The following MKX variants were observed in gnomAD, a reference collection of about 807,000 sequenced individuals.
The protein encoded by MKX is mohawk homeobox.
Under a neutral mutation model 36.0 loss-of-function variants are expected in MKX, and 13 were observed. The ratio of observed to expected loss-of-function variants is 0.36; its 90% CI spans 0.24 to 0.57. MKX has a LOEUF of 0.57. Among genes scored for constraint, MKX ranks in the 20% least tolerant of loss-of-function variants. The pLI, the probability that MKX is intolerant of heterozygous loss-of-function variation, is 0.79. For synonymous variants in MKX, 176 were observed against 178.3 expected, an observed-to-expected ratio of 0.99 and a Z score of 0.10; for missense variants, 458 against 456.4, an observed-to-expected ratio of 1.00 and a Z score of -0.03.
intron 5 of MKX, among the ~76,000 whole-genome samples, chr10:27,679,774 A>T (rs773322612): frequency 2.0e-5 from 3 of 152,192 alleles, no homozygotes; most frequent in Non-Finnish European, 4.4e-5. Flanking sequence ...GAAAATTTAC[A>T]ATCTTCTCAT....
Position 27,734,679 on chromosome 10 carries a change from C to A in MKX, c.615G>T (p.Glu205Asp), listed in dbSNP as rs1478135013. Residue 205 changes from glutamate (E) to aspartate (D), a missense_variant, in exon 5 of 7, where the codon GAG becomes GAT. Transcript: ENST00000419761. ...NSVIKAGVRP[E>D]SRASEDYVAP... ...CCACGTAGTCCTCACTGGCCCGTGA[C>A]TCTGGCCTCACTCCCGCTTTGATGA... 6.2e-7 allele frequency: 1 copy of A among 1,614,158 alleles called. No individual in the cohort carries two copies. Among genetic ancestry groups the A allele is most frequent in the Non-Finnish European group, 8.5e-7 (1 of 1,180,026 alleles).
chr10:27,711,428 TC>T (rs1253625545), intron 5 of MKX, among the ~76,000 whole-genome samples: 2,695 of 124,014 alleles, frequency 0.022, 33 homozygotes, highest in East Asian at 0.062. Flanking sequence ...TTCTTTCTTT[TC>T]TCTTTCTTTC....
At chr10:27,682,059 G>C (rs1836263753) in intron 5 of MKX, among the ~76,000 whole-genome samples, 1 of 152,188 alleles carries the variant, frequency 6.6e-6, no homozygotes, top group Non-Finnish European at 1.5e-5. Context: ...AGTGGGACAA[G>C]ACATGGAGGT....
chr10:27,734,857 T>C, intron 4 of MKX, 66 bp from the exon 5 acceptor site: 1 of 935,892 alleles, frequency 1.1e-6, no homozygotes, highest in Non-Finnish European at 1.5e-6. Flanking sequence ...CCAACTCTTA[T>C]ATTTAATCCT....
At chr10:27,690,504 T>C (rs543292625) in intron 5 of MKX, among the ~76,000 whole-genome samples, 5 of 152,354 alleles carry the variant, frequency 3.3e-5, no homozygotes, top group Non-Finnish European at 5.9e-5. Context: ...TGTGGGAACA[T>C]AGTGGACTCA....
chr10:27,709,527 G>T (rs1456759697), intron 5 of MKX, among the ~76,000 whole-genome samples: 1 of 152,158 alleles, frequency 6.6e-6, no homozygotes, highest in Non-Finnish European at 1.5e-5. Context: ...ACTGATTTCT[G>T]GTAGGACTGG....
intron 5 of MKX, among the ~76,000 whole-genome samples, chr10:27,697,820 A>AG (rs1836582277): frequency 6.6e-6 from 1 of 152,156 alleles, no homozygotes. Context: ...GTGGGAACAG[A>AG]GGGGGGTTGG....
At chr10:27,727,344 CCAGCACA>C (rs1834513642) in intron 5 of MKX, among the ~76,000 whole-genome samples, 1 of 152,202 alleles carries the variant, frequency 6.6e-6, no homozygotes, top group South Asian at 2.1e-4. Flanking sequence ...CCTGAAGGAG[CCAGCACA>C]CAGCTCATGT....
At chr10:27,745,103 G>C (rs1237014243) in intron 1 of MKX, among the ~76,000 whole-genome samples, 2 of 151,766 alleles carry the variant, frequency 1.3e-5, no homozygotes, top group Non-Finnish European at 3.0e-5. Context: ...ATTTGTACAA[G>C]ACACCCTTCC....
intron 5 of MKX, among the ~76,000 whole-genome samples, chr10:27,729,248 CA>C (rs1355859890): frequency 3.3e-5 from 5 of 150,192 alleles, no homozygotes; most frequent in Admixed American, 6.6e-5. Flanking sequence ...TATATGCTGA[CA>C]GAGCCATGGG....
intron 5 of MKX, among the ~76,000 whole-genome samples, chr10:27,678,619 GT>G (rs1836197330): frequency 6.6e-6 from 1 of 152,188 alleles, no homozygotes; most frequent in Admixed American, 6.5e-5. Context: ...TATGTTATGG[GT>G]TGCAGAACCC....
At position 27,673,357 on chromosome 10, in the gene MKX, T is replaced by A. The variant is rs1836084113; in HGVS notation, c.*1872A>T. On this transcript the variant is annotated 3_prime_UTR_variant, in exon 7 of 7. Coordinates refer to ENST00000419761, the MANE Select transcript of MKX (RefSeq NM_173576.3). Reference sequence around the variant, plus strand: ...CCAGCATTCATTCATTTAACTGAAATATGTCAAAACAAAAACACTTTTATT... The same window carrying A: ...CCAGCATTCATTCATTTAACTGAAAAATGTCAAAACAAAAACACTTTTATT... The A allele has an allele frequency of 6.6e-6, 1 of 152,608 alleles. No homozygotes were observed. The highest frequency in any genetic ancestry group is 2.1e-4 in the South Asian group (1 of 4,832). 9.5% of individuals were successfully genotyped at this position (152,608 alleles called of 1,614,324 possible). A position where few individuals can be genotyped will look rare whatever the true frequency, so the allele number is the denominator to read the frequency against.
At chr10:27,730,271 T>G (rs936516509) in intron 5 of MKX, among the ~76,000 whole-genome samples, 5 of 152,188 alleles carry the variant, frequency 3.3e-5, no homozygotes, top group Admixed American at 2.0e-4. Context: ...GACTGTGGAT[T>G]ACAGAGAAAT....
chr10:27,688,797 A>T (rs567593461), intron 5 of MKX, among the ~76,000 whole-genome samples: 1 of 152,332 alleles, frequency 6.6e-6, no homozygotes, highest in South Asian at 2.1e-4. Context: ...TTTCAGTTCT[A>T]TATAGCCCAA....
At chr10:27,728,768 A>G (rs1006914167) in intron 5 of MKX, among the ~76,000 whole-genome samples, 1 of 152,236 alleles carries the variant, frequency 6.6e-6, no homozygotes, top group Admixed American at 6.5e-5. Context: ...TAAGGCACAC[A>G]GTGTGCAGGA....
intron 5 of MKX, among the ~76,000 whole-genome samples, chr10:27,690,788 C>T (rs1483049942): frequency 6.6e-6 from 1 of 152,134 alleles, no homozygotes; most frequent in Admixed American, 6.5e-5. Context: ...CTGGGTCTCT[C>T]CTGTCATACC....
intron 5 of MKX, among the ~76,000 whole-genome samples, chr10:27,720,553 T>C (rs1003211098): frequency 2.6e-5 from 4 of 152,170 alleles, no homozygotes; most frequent in African/African-American, 7.2e-5. Context: ...AAACTATAGA[T>C]ACAGCAGTTT....
intron 5 of MKX, among the ~76,000 whole-genome samples, chr10:27,719,707 G>A (rs1834332222): frequency 6.6e-6 from 1 of 152,150 alleles, no homozygotes; most frequent in African/African-American, 2.4e-5. Context: ...TATAGGGCCA[G>A]GCATGTTGGC....
chr10:27,735,910 A>G (rs1193621140), intron 3 of MKX, among the ~76,000 whole-genome samples: 1 of 152,212 alleles, frequency 6.6e-6, no homozygotes, highest in Non-Finnish European at 1.5e-5. Flanking sequence ...GGGAAGAGTT[A>G]AAGATGACCT....
Sources: allele counts gnomAD v4.1 joint callset (sites outside exome capture counted in the v4.1 genomes callset), GRCh38; gene constraint gnomAD v4.1.1; transcripts MANE v1.5; gene names NCBI Gene and HGNC (gene_info 2026-07-23, HGNC 2026-07-21).